The following NDUFS4 variants were observed in gnomAD, a reference collection of about 807,000 sequenced individuals.
The protein encoded by NDUFS4 is NADH:ubiquinone oxidoreductase subunit S4.
NDUFS4 carries 28 observed loss-of-function variants against 24.3 expected under a neutral mutation model. The ratio of observed to expected loss-of-function variants is 1.15; its 90% confidence interval spans 0.85 to 1.58. NDUFS4 has a LOEUF of 1.58. NDUFS4 is among the 40% of genes most tolerant of loss of function. The probability of loss-of-function intolerance (pLI) is 0.00; values close to 1 mark genes in which losing one functional copy is unlikely to be tolerated. For missense variants in NDUFS4, 223 were observed against 207.9 expected (o/e 1.07, Z -0.45); for synonymous variants, 93 against 69.7 (o/e 1.34, Z -1.67).
chr5:53,606,444 T>G (rs1439877942), intron 2 of NDUFS4, among the ~76,000 whole-genome samples: 1 of 151,966 alleles, frequency 6.6e-6, no homozygotes, highest in Non-Finnish European at 1.5e-5. Context: ...CTCGGCTCAC[T>G]GCTACCTCCG....
chr5:53,586,158 A>G (rs989952089), intron 1 of NDUFS4, among the ~76,000 whole-genome samples: 6 of 151,650 alleles, frequency 4.0e-5, no homozygotes, highest in Non-Finnish European at 5.9e-5. Flanking sequence ...GCGAAACCCC[A>G]TCTCTACTAA....
intron 1 of NDUFS4, among the ~76,000 whole-genome samples, chr5:53,583,761 C>A (rs945142229): frequency 6.6e-6 from 1 of 152,084 alleles, no homozygotes; most frequent in African/African-American, 2.4e-5. Context: ...CAAGATAAGA[C>A]GCACTGGTGG....
At chr5:53,601,846 C>T (rs993182133) in intron 1 of NDUFS4, among the ~76,000 whole-genome samples, 21 of 152,148 alleles carry the variant, frequency 1.4e-4, no homozygotes, top group African/African-American at 3.4e-4. Flanking sequence ...TAAGATTGAC[C>T]GTCTCAGTAT....
At chr5:53,577,674 A>C (rs1241183900) in intron 1 of NDUFS4, among the ~76,000 whole-genome samples, 1 of 152,092 alleles carries the variant, frequency 6.6e-6, no homozygotes, top group Non-Finnish European at 1.5e-5. Context: ...CCGTATTGGA[A>C]TTTGTTTTAC....
chr5:53,605,656 C>T (rs993265369), intron 2 of NDUFS4, among the ~76,000 whole-genome samples: 3 of 152,142 alleles, frequency 2.0e-5, no homozygotes, highest in Non-Finnish European at 4.4e-5. Context: ...TTCTAGGACT[C>T]CCCTCAAGTA....
At chr5:53,632,204 T>C (rs1344212573) in intron 2 of NDUFS4, among the ~76,000 whole-genome samples, 5 of 152,226 alleles carry the variant, frequency 3.3e-5, no homozygotes, top group Admixed American at 6.5e-5. Context: ...GTGTAATTGA[T>C]GTTCTGATTG....
chr5:53,584,314 T>C (rs1367495570), intron 1 of NDUFS4, among the ~76,000 whole-genome samples: 1 of 152,190 alleles, frequency 6.6e-6, no homozygotes, highest in African/African-American at 2.4e-5. Flanking sequence ...ATTAGAATCT[T>C]GGTATACATT....
intron 1 of NDUFS4, 54 bp from the exon 2 acceptor site, chr5:53,603,398 T>C: frequency 8.0e-7 from 1 of 1,246,034 alleles, no homozygotes; most frequent in Non-Finnish European, 1.2e-6. Flanking sequence ...AAGATTTGTC[T>C]GTCTCTCCTC....
intron 1 of NDUFS4, among the ~76,000 whole-genome samples, chr5:53,578,903 T>C (rs1749469376): frequency 6.6e-6 from 1 of 152,220 alleles, no homozygotes; most frequent in Non-Finnish European, 1.5e-5. Flanking sequence ...TTATTTGCAG[T>C]ATTTTATGCA....
At chr5:53,654,053 G>C (rs1308549733) in intron 3 of NDUFS4, among the ~76,000 whole-genome samples, 1 of 151,846 alleles carries the variant, frequency 6.6e-6, no homozygotes, top group Non-Finnish European at 1.5e-5. Context: ...TGTTGCATTG[G>C]CTAGAATTTG....
chr5:53,671,049 G>C lies in NDUFS4; in HGVS notation c.425-12069G>C, dbSNP rs1033990453. 2.0e-5 allele frequency among the ~76,000 whole-genome samples: 3 copies of C among 151,800 alleles called. No individual in the cohort carries two copies. In the East Asian group the frequency reaches 5.8e-4, roughly 29 times the overall value. ...TCTAGAGATGCTATAAGTTTCTGTAGTATCTTTATAGTAGAGATAATAGGG... is the reference window on the plus strand; with the variant it reads ...TCTAGAGATGCTATAAGTTTCTGTACTATCTTTATAGTAGAGATAATAGGG... On this transcript the variant is annotated intron_variant, in intron 4 of 4. Transcript: ENST00000296684.
At chr5:53,569,270 A>C (rs1353734313) in intron 1 of NDUFS4, among the ~76,000 whole-genome samples, 2 of 152,204 alleles carry the variant, frequency 1.3e-5, no homozygotes, top group Non-Finnish European at 2.9e-5. Flanking sequence ...TAATATTCGT[A>C]GTACAAATGA....
At chr5:53,572,956 T>TG (rs1490755456) in intron 1 of NDUFS4, among the ~76,000 whole-genome samples, 9 of 123,446 alleles carry the variant, frequency 7.3e-5, no homozygotes, top group Non-Finnish European at 1.5e-4. Context: ...TGTTGTTTTT[T>TG]GTTTTTTTTT....
chr5:53,632,807 TG>T (rs1751443916), intron 2 of NDUFS4, among the ~76,000 whole-genome samples: 1 of 152,010 alleles, frequency 6.6e-6, no homozygotes, highest in South Asian at 2.1e-4. Flanking sequence ...AAGGCAAGAG[TG>T]GTAGTCTGAT....
chr5:53,601,055 A>G (rs1432244700), intron 1 of NDUFS4, among the ~76,000 whole-genome samples: 2 of 140,946 alleles, frequency 1.4e-5, no homozygotes, highest in Non-Finnish European at 3.0e-5. Context: ...CCCAGGCTGG[A>G]GTGCAGTGGC....
intron 2 of NDUFS4, among the ~76,000 whole-genome samples, chr5:53,610,212 A>G (rs1410335252): frequency 6.6e-6 from 1 of 152,164 alleles, no homozygotes; most frequent in African/African-American, 2.4e-5. Flanking sequence ...TGGGTTATTA[A>G]CTGGCCTAAT....
rs1561407847 is a variant in NDUFS4 at position 53,683,218 on chromosome 5, A to C, written c.525A>C (p.Lys175Asn). 6.3e-7 allele frequency: 1 copy of C among 1,594,454 alleles called. No individual in the cohort carries two copies. The highest frequency in any genetic ancestry group is 2.2e-5 in the East Asian group (1 of 44,702). Residue 175 changes from lysine to asparagine, a missense_variant, in exon 5 of 5, where the codon AAA becomes AAC. Coordinates refer to ENST00000296684, the MANE Select transcript of NDUFS4 (RefSeq NM_002495.4). ...SWNKRTRVSTK is the reference protein window; with the variant it reads ...SWNKRTRVSTN ...ACAAAAGAACAAGAGTATCCACAAA[A>C]TAGGTTGGCACTGACTATATCTCTG...
At chr5:53,621,752 AGTGCAGTGGCGCGAT>A (rs1335555286) in intron 2 of NDUFS4, among the ~76,000 whole-genome samples, 1 of 117,670 alleles carries the variant, frequency 8.5e-6, no homozygotes, top group Non-Finnish European at 1.6e-5. Context: ...CCCAGGCTGG[AGTGCAGTGGCGCGAT>A]CTCAACTCAC....
intron 2 of NDUFS4, among the ~76,000 whole-genome samples, chr5:53,617,943 T>C (rs1181126967): frequency 6.6e-6 from 1 of 152,128 alleles, no homozygotes; most frequent in Non-Finnish European, 1.5e-5. Context: ...ATATACCTTT[T>C]TATATTTGTT....
Sources: allele counts gnomAD v4.1 joint callset (sites outside exome capture counted in the v4.1 genomes callset), GRCh38; gene constraint gnomAD v4.1.1; transcripts MANE v1.5; gene names NCBI Gene and HGNC (gene_info 2026-07-23, HGNC 2026-07-21).